Variants in YY1 observed in about 807,000 individuals in gnomAD.
YY1 encodes YY1 transcription factor.
Under a neutral mutation model 35.6 loss-of-function variants are expected in YY1, and 2 were observed. The ratio of observed to expected loss-of-function variants is 0.06; its 90% CI spans 0.02 to 0.18. The LOEUF is 0.18. Ranked by LOEUF, YY1 falls within the 10% of genes least tolerant of loss-of-function variation. The pLI, the probability that YY1 is intolerant of heterozygous loss-of-function variation, is 1.00. For missense variants in YY1, 322 were observed against 573.4 expected (o/e 0.56, Z 4.48); for synonymous variants, 268 against 238.9 (o/e 1.12, Z -1.12).
chr14:100,239,448 C>T lies in YY1; in HGVS notation c.204C>T (p.Ala68=), dbSNP rs770540004. 53 of 1,594,118 alleles carry T rather than the reference C, an allele frequency of 3.3e-5. 3 individuals carry two copies. The Middle Eastern group carries it at 4.5e-3, about 136-fold the overall frequency. Residue 68 remains alanine, a synonymous_variant, in exon 1 of 5, where the codon GCC becomes GCT. Coordinates refer to ENST00000262238, the MANE Select transcript of YY1 (RefSeq NM_003403.5). ...DHGGGGGHGH[A]GHHHHHHHHH... is the part of the protein sequence containing the mutation. ...GCGGCGGGGGCGGCCACGGGCACGC[C>T]GGCCACCACCACCACCACCATCACC...
In YY1 at chr14:100,239,786, G is replaced by T; in HGVS notation, c.542G>T (p.Gly181Val). Residue 181 changes from glycine (G) to valine (V), a missense_variant, in exon 1 of 5, where the codon GGC becomes GTC. Physicochemically the swap from Gly to Val is moderately radical, Grantham distance 109. Transcript: ENST00000262238. ...AAGAAGGGCGGCGGCAAGAAGAGCGGCAAGAAGAGTTACCTCAGCGGCGGG... is the reference window on the plus strand; with the variant it reads ...AAGAAGGGCGGCGGCAAGAAGAGCGTCAAGAAGAGTTACCTCAGCGGCGGG... ...RVKKGGGKKS[G>V]KKSYLSGGAG... The T allele has an allele frequency of 6.4e-7, 1 of 1,554,358 alleles. No homozygotes were observed. Among genetic ancestry groups the T allele is most frequent in the Non-Finnish European group, 8.7e-7 (1 of 1,152,642 alleles).
rs116743644 is a variant in YY1 at position 100,252,083 on chromosome 14, G to T, written c.680-10221G>T. Among the ~76,000 whole-genome samples the T allele has an allele frequency of 5.7e-3, 862 of 152,326 alleles. 11 individuals carry two copies. Among genetic ancestry groups the T allele is most frequent in the African/African-American group, 0.02 (831 of 41,570 alleles). On this transcript the variant is annotated intron_variant, in intron 1 of 4. Transcript: ENST00000262238. Reference sequence around the variant, plus strand: ...TGAGAGGAAGGCAAGAGGGTAAATTGTATTGAGTACCTTTTACTAGACACT... The same window carrying T: ...TGAGAGGAAGGCAAGAGGGTAAATTTTATTGAGTACCTTTTACTAGACACT...
chr14:100,270,976 T>A (rs1595332004), intron 2 of YY1, among the ~76,000 whole-genome samples: 1 of 148,972 alleles, frequency 6.7e-6, no homozygotes, highest in Admixed American at 6.7e-5. Flanking sequence ...CTGGGCGCGG[T>A]GGCTCACGCC....
At chr14:100,258,851 T>C (rs1393370633) in intron 1 of YY1, among the ~76,000 whole-genome samples, 2 of 152,264 alleles carry the variant, frequency 1.3e-5, no homozygotes, top group African/African-American at 4.8e-5. Flanking sequence ...TGCTTTTCAT[T>C]GCTGAGAGTG....
At chr14:100,248,303 T>C (rs1203587862) in intron 1 of YY1, among the ~76,000 whole-genome samples, 1 of 151,786 alleles carries the variant, frequency 6.6e-6, no homozygotes, top group Non-Finnish European at 1.5e-5. Context: ...TTGTATTTTT[T>C]AGTAGAGATG....
intron 2 of YY1, among the ~76,000 whole-genome samples, chr14:100,263,620 G>T (rs532295386): frequency 4.1e-4 from 62 of 152,312 alleles, no homozygotes; most frequent in African/African-American, 1.3e-3. Flanking sequence ...CATACCTGAG[G>T]TTGGTTGGAA....
Position 100,269,118 on chromosome 14 carries a change from A to T in YY1, c.843-5580A>T, listed in dbSNP as rs572880131. Among the ~76,000 whole-genome samples, 4 of 152,300 alleles carry T rather than the reference A, an allele frequency of 2.6e-5. No individual in the cohort carries two copies. The South Asian group carries it at 8.3e-4, about 32-fold the overall frequency. On this transcript the variant is annotated intron_variant, in intron 2 of 4. Transcript: ENST00000262238. ...GTTGTTGGGTGTCTGACTCCTCCAT[A>T]TAACATGTACTGCGTTGAGGGGTGT...
rs540744455 is a variant in YY1 at position 100,280,167 on chromosome 14, C to T, written c.*2567C>T. 1.3e-5 allele frequency: 2 copies of T among 152,288 alleles called. No homozygotes were observed. The highest frequency in any genetic ancestry group is 3.9e-4 in the East Asian group (2 of 5,178). The allele number at this position is 152,288 out of a possible 1,614,324, so 9.4% of individuals were successfully genotyped here. A position where few individuals can be genotyped will look rare whatever the true frequency, so the allele number is the denominator to read the frequency against. ...CAATATAAAGAGTAGAGGTAGTTCTCATTGGGTGTAACTTCAACCCATTCT... is the reference window on the plus strand; with the variant it reads ...CAATATAAAGAGTAGAGGTAGTTCTTATTGGGTGTAACTTCAACCCATTCT... On this transcript the variant is annotated 3_prime_UTR_variant, in exon 5 of 5. Transcript: ENST00000262238.
intron 1 of YY1, among the ~76,000 whole-genome samples, chr14:100,245,878 A>G (rs1468325042): frequency 6.6e-6 from 1 of 152,180 alleles, no homozygotes; most frequent in Non-Finnish European, 1.5e-5. Flanking sequence ...AAGTGCTGGG[A>G]TTACAGACGT....
chr14:100,249,100 ATT>A (rs60088505), intron 1 of YY1, among the ~76,000 whole-genome samples: 1 of 46,830 alleles, frequency 2.1e-5, no homozygotes, highest in African/African-American at 6.9e-5. Flanking sequence ...TTCTCGTGTA[ATT>A]TTTTTTTTTT....
intron 1 of YY1, among the ~76,000 whole-genome samples, chr14:100,255,111 T>C (rs1890986177): frequency 1.3e-5 from 2 of 151,768 alleles, no homozygotes; most frequent in Non-Finnish European, 2.9e-5. Context: ...TATTTTCTTA[T>C]ATTTTCTTGT....
At chr14:100,259,810 A>G (rs1260809943) in intron 1 of YY1, among the ~76,000 whole-genome samples, 1 of 152,174 alleles carries the variant, frequency 6.6e-6, no homozygotes, top group South Asian at 2.1e-4. Context: ...GCAAAGGAGA[A>G]ATAGAAGGTA....
intron 2 of YY1, among the ~76,000 whole-genome samples, chr14:100,265,580 GT>G (rs1346217336): frequency 6.8e-6 from 1 of 147,758 alleles, no homozygotes; most frequent in Non-Finnish European, 1.5e-5. Context: ...CAACATGGAT[GT>G]TTTATTATTA....
rs1413374497 is a variant in YY1, at chr14:100,278,969, A to G, written c.*1369A>G. 2 of 152,186 alleles carry G rather than the reference A, an allele frequency of 1.3e-5. No individual in the cohort carries two copies. Among genetic ancestry groups the G allele is most frequent in the African/African-American group, 4.8e-5 (2 of 41,438 alleles). 9.4% of individuals were successfully genotyped at this position (152,186 alleles called of 1,614,324 possible). A position where few individuals can be genotyped will look rare whatever the true frequency, so the allele number is the denominator to read the frequency against. On this transcript the variant is annotated 3_prime_UTR_variant, in exon 5 of 5. Coordinates refer to ENST00000262238, the MANE Select transcript of YY1 (RefSeq NM_003403.5). The stretch of plus-strand genomic sequence containing the variant: ...TTTGAGAGCCCTTGTTCCTCCATCT[A>G]GTGGAGTCCTTATTAAATGCTAGCA...
At chr14:100,265,588 A>C (rs1891141864) in intron 2 of YY1, among the ~76,000 whole-genome samples, 1 of 151,008 alleles carries the variant, frequency 6.6e-6, no homozygotes, top group Non-Finnish European at 1.5e-5. Context: ...ATGTTTTATT[A>C]TTAACAGCAT....
intron 1 of YY1, among the ~76,000 whole-genome samples, chr14:100,241,062 A>T (rs762558291): frequency 2.0e-5 from 3 of 152,178 alleles, no homozygotes; most frequent in Non-Finnish European, 4.4e-5. Flanking sequence ...CCTGTGTAAA[A>T]TCTGTTTTTA....
At chr14:100,243,980 T>C (rs889469780) in intron 1 of YY1, among the ~76,000 whole-genome samples, 1 of 151,286 alleles carries the variant, frequency 6.6e-6, no homozygotes, top group South Asian at 2.1e-4. Context: ...CTGTGGCGGG[T>C]GCCTGTAGTG....
Position 100,277,587 on chromosome 14 carries a change from A to G in YY1, c.1232A>G (p.Lys411Arg). 6.2e-7 allele frequency: 1 copy of G among 1,614,236 alleles called. No individual in the cohort carries two copies. The highest frequency in any genetic ancestry group is 8.5e-7 in the Non-Finnish European group (1 of 1,180,048). ...CACATCTTAACACATGCTAAGGCCA[A>G]AAACAACCAGTGAAAAGAAGAGAGA... The part of the protein sequence containing the change: ...KSHILTHAKA[K>R]NNQ Residue 411 changes from lysine (K) to arginine (R), a missense_variant, in exon 5 of 5, where the codon AAA (lysine) becomes AGA (arginine). Transcript: ENST00000262238. The surrounding 1 kb of genome is among the most constrained non-coding windows in gnomAD (Gnocchi z 5.6).
chr14:100,240,330 T>C (rs2139561747), intron 1 of YY1, among the ~76,000 whole-genome samples: 1 of 146,842 alleles, frequency 6.8e-6, no homozygotes, highest in Admixed American at 6.7e-5. Flanking sequence ...CGGGAGGTCG[T>C]TGGCGGGGCT....
Sources: gnomAD v4.1 joint callset for allele counts (sites outside exome capture counted in the v4.1 genomes callset) on GRCh38, gnomAD v4.1.1 for gene constraint, Gnocchi (gnomAD v3.1) non-coding constraint, MANE v1.5 for transcripts, NCBI Gene and HGNC (gene_info 2026-07-23, HGNC 2026-07-21) for gene names.